Variants in WWTR1 observed in about 807,000 individuals in gnomAD.
WWTR1 encodes the protein WW domain-containing transcription regulator protein 1.
Under a neutral mutation model 40.1 loss-of-function variants are expected in WWTR1, and 13 were observed. The ratio of observed to expected loss-of-function variants is 0.32; its 90% CI spans 0.21 to 0.52. The LOEUF (loss-of-function observed/expected upper bound fraction) is 0.52. WWTR1 is among the 20% of genes least tolerant of loss of function. WWTR1 has a pLI of 0.97. For missense variants in WWTR1, 436 were observed against 523.1 expected (o/e 0.83, Z 1.63); for synonymous variants, 230 against 210.1 (o/e 1.09, Z -0.82).
At chr3:149,686,877 C>T (rs1714672887) in intron 1 of WWTR1, among the ~76,000 whole-genome samples, 1 of 152,156 alleles carries the variant, frequency 6.6e-6, no homozygotes, top group African/African-American at 2.4e-5. Context: ...GTTCTGAGTA[C>T]ATCTGTTGCA....
chr3:149,702,243 A>G (rs1439651228), intron 1 of WWTR1: 1 of 152,472 alleles, frequency 6.6e-6, no homozygotes, highest in Admixed American at 6.5e-5. Flanking sequence ...GAATAAGCAT[A>G]TGATTCCTCT....
Position 149,526,067 on chromosome 3 carries a change from T to C in WWTR1, c.964A>G (p.Ser322Gly), listed in dbSNP as rs1230014926. ...AAGTCCTCCGGAGTTGTGGGGACAC[T>C]GTAGCACCCTAACCCCAGGCCACTG... The part of the protein sequence containing the change: ...TDSGLGLGCY[S>G]VPTTPEDFLS... Residue 322 changes from serine to glycine, a missense_variant, in exon 6 of 7, where the codon AGT (serine) becomes GGT (glycine). Ser to Gly is a moderately conservative substitution (Grantham distance 56, BLOSUM62 0). Coordinates refer to ENST00000360632, the MANE Select transcript of WWTR1 (RefSeq NM_015472.6). 6.2e-7 allele frequency: 1 copy of C among 1,612,344 alleles called. No homozygotes were observed. Among genetic ancestry groups the C allele is most frequent in the Non-Finnish European group, 8.5e-7 (1 of 1,179,008 alleles).
At chr3:149,608,575 A>G (rs750497419) in intron 2 of WWTR1, among the ~76,000 whole-genome samples, 1 of 151,856 alleles carries the variant, frequency 6.6e-6, no homozygotes, top group African/African-American at 2.4e-5. Context: ...TTTAGTAGAG[A>G]TGGGGGTTTC....
At chr3:149,669,402 T>C (rs1238773296) in intron 2 of WWTR1, among the ~76,000 whole-genome samples, 1 of 152,172 alleles carries the variant, frequency 6.6e-6, no homozygotes, top group African/African-American at 2.4e-5. Flanking sequence ...CACATACCCA[T>C]CTGAACTCAA....
At chr3:149,612,594 A>G (rs756556331) in intron 2 of WWTR1, among the ~76,000 whole-genome samples, 1 of 152,206 alleles carries the variant, frequency 6.6e-6, no homozygotes, top group Non-Finnish European at 1.5e-5. Context: ...GGGAAGTGCC[A>G]TAAAAGAGAC....
intron 3 of WWTR1, among the ~76,000 whole-genome samples, chr3:149,561,379 G>C (rs750259807): frequency 6.6e-6 from 1 of 152,112 alleles, no homozygotes; most frequent in Non-Finnish European, 1.5e-5. Flanking sequence ...AATAGTAAAG[G>C]CTATAAGTTT....
Position 149,524,668 on chromosome 3 carries a change from A to C in WWTR1, c.1018+1345T>G, listed in dbSNP as rs569967172. Among the ~76,000 whole-genome samples, 3 of 152,318 alleles carry C rather than the reference A, an allele frequency of 2.0e-5. No individual in the cohort carries two copies. In the East Asian group the frequency reaches 5.8e-4, roughly 29 times the overall value. On this transcript the variant is annotated intron_variant, in intron 6 of 6. Coordinates refer to ENST00000360632, the MANE Select transcript of WWTR1 (RefSeq NM_015472.6). ...CTTCTCAATGCAAAGATGACAACCT[A>C]CACGAAAGACGCCAGGGGAGCAGCT... is the stretch of plus-strand genomic sequence containing the variant.
In WWTR1 at chr3:149,595,023, G is replaced by A. The variant is rs575848868; in HGVS notation, c.432-22023C>T. Reference sequence around the variant, plus strand: ...TGTTGCCAGGCTGGAGTGCAGTGGCGCGATCTTGGCTCACTGCAACCTCTG... The same window carrying A: ...TGTTGCCAGGCTGGAGTGCAGTGGCACGATCTTGGCTCACTGCAACCTCTG... On this transcript the variant is annotated intron_variant, in intron 2 of 6. Coordinates refer to ENST00000360632, the MANE Select transcript of WWTR1 (RefSeq NM_015472.6). Among the ~76,000 whole-genome samples the A allele has an allele frequency of 1.3e-3, 172 of 133,414 alleles. 3 individuals are homozygous for A. The South Asian group carries it at 0.04, about 31-fold the overall frequency. The allele number at this position is 133,414 out of a possible 152,430, so 87.5% of individuals were successfully genotyped here. A position where few individuals can be genotyped will look rare whatever the true frequency, so the allele number is the denominator to read the frequency against.
intron 2 of WWTR1, among the ~76,000 whole-genome samples, chr3:149,578,811 C>T (rs1274134006): frequency 6.6e-6 from 1 of 151,942 alleles, no homozygotes; most frequent in East Asian, 1.9e-4. Context: ...ACCGGGGAGG[C>T]GGAGGTTGCA....
chr3:149,649,283 C>T (rs572603594), intron 2 of WWTR1, among the ~76,000 whole-genome samples: 14 of 152,314 alleles, frequency 9.2e-5, no homozygotes, highest in Admixed American at 2.6e-4. Context: ...TGAGCCACCG[C>T]GCCCAGCCAA....
chr3:149,544,946 C>T (rs936834246), intron 3 of WWTR1, among the ~76,000 whole-genome samples: 1 of 152,134 alleles, frequency 6.6e-6, no homozygotes, highest in Admixed American at 6.5e-5. Context: ...TAGGTTTCCC[C>T]CTTAGAATTA....
intron 1 of WWTR1, among the ~76,000 whole-genome samples, chr3:149,695,651 C>T (rs1043753499): frequency 2.2e-4 from 33 of 150,986 alleles, no homozygotes; most frequent in African/African-American, 8.0e-4. Flanking sequence ...ATCCCAGGTA[C>T]CTGGGAGGCT....
chr3:149,692,605 C>A lies in WWTR1; in HGVS notation c.-108+10519G>T, dbSNP rs182055541. ...AAGATTGGGAATACAACAAGGATGC[C>A]CACTTTCACCACTGTTTGTTTGTTT... On this transcript the variant is annotated intron_variant, in intron 1 of 7. Coordinates refer to the WWTR1 transcript ENST00000465804. Among the ~76,000 whole-genome samples, 274 of 150,260 alleles carry A rather than the reference C, an allele frequency of 1.8e-3. 1 individual carries two copies. The highest frequency in any genetic ancestry group is 0.013 in the South Asian group (58 of 4,638).
Position 149,644,754 on chromosome 3 carries a change from G to A in WWTR1, c.431+12122C>T, listed in dbSNP as rs111448739. 6.6e-5 allele frequency among the ~76,000 whole-genome samples: 10 copies of A among 152,272 alleles called. 1 individual carries two copies. The South Asian group carries it at 2.1e-3, about 32-fold the overall frequency. ...CCTTGGAAGATAACACAAGTAACTGGGAACAGTAGTTACTTCTGAGGAGTA... is the reference window on the plus strand; with the variant it reads ...CCTTGGAAGATAACACAAGTAACTGAGAACAGTAGTTACTTCTGAGGAGTA... On this transcript the variant is annotated intron_variant, in intron 2 of 6. Transcript: ENST00000360632.
intron 3 of WWTR1, among the ~76,000 whole-genome samples, chr3:149,562,059 CCGAGGCGGG>C (rs1416554443): frequency 6.6e-6 from 1 of 152,104 alleles, no homozygotes; most frequent in African/African-American, 2.4e-5. Context: ...ACTTTGGGGG[CCGAGGCGGG>C]CGGATCACCT....
chr3:149,531,884 A>G (rs187671768), intron 4 of WWTR1, among the ~76,000 whole-genome samples: 1 of 152,320 alleles, frequency 6.6e-6, no homozygotes, highest in East Asian at 1.9e-4. Context: ...TTGGAAATAT[A>G]AACTAAGAAC....
At chr3:149,534,771 T>G (rs1187024706) in intron 4 of WWTR1, among the ~76,000 whole-genome samples, 2 of 152,180 alleles carry the variant, frequency 1.3e-5, no homozygotes, top group Non-Finnish European at 2.9e-5. Context: ...CTTGGTGAGT[T>G]TGTGGTCAAC....
Position 149,572,964 on chromosome 3 carries a change from C to T in WWTR1, c.468G>A (p.Arg156=). The change falls in exon 3 of 7, where the codon AGG becomes AGA. Residue 156 remains arginine (R), a synonymous_variant. Transcript: ENST00000360632. ...GATTCAGAGGCTGATTCATCGCCTT[C>T]CTAGGGTCTTGCCATGTGGTGATTT... ...IEKITTWQDP[R]KAMNQPLNHM... The T allele has an allele frequency of 1.2e-6, 2 of 1,610,756 alleles. No individual in the cohort carries two copies. The highest frequency in any genetic ancestry group is 1.7e-6 in the Non-Finnish European group (2 of 1,179,206).
chr3:149,605,338 A>G (rs908304525), intron 2 of WWTR1, among the ~76,000 whole-genome samples: 10 of 151,982 alleles, frequency 6.6e-5, no homozygotes, highest in African/African-American at 2.2e-4. Context: ...GCAGGAGCAC[A>G]AGCAAAGGAT....
Sources: allele counts gnomAD v4.1 joint callset (sites outside exome capture counted in the v4.1 genomes callset), GRCh38; gene constraint gnomAD v4.1.1; transcripts MANE v1.5; gene names NCBI Gene and HGNC (gene_info 2026-07-23, HGNC 2026-07-21).